The following TMTC2 variants were observed in gnomAD, a reference collection of about 807,000 sequenced individuals.
TMTC2 encodes protein O-mannosyl-transferase TMTC2.
In TMTC2, 43 loss-of-function variants were observed where a neutral mutation model predicts 82.4. The ratio of observed to expected loss-of-function variants is 0.52; its 90% CI spans 0.41 to 0.67. The LOEUF is 0.67. Ranked by LOEUF, TMTC2 falls within the 30% of genes least tolerant of loss-of-function variation. TMTC2 has a pLI of 0.00. For missense variants in TMTC2, 919 were observed against 1,012.4 expected (o/e 0.91, Z 1.25); for synonymous variants, 408 against 381.9 (o/e 1.07, Z -0.80).
At chr12:82,743,004 C>T (rs1875498078) in intron 1 of TMTC2, among the ~76,000 whole-genome samples, 1 of 128,392 alleles carries the variant, frequency 7.8e-6, no homozygotes, top group Non-Finnish European at 1.8e-5. Context: ...ATCTTATTTG[C>T]TGTCTTTGTT....
intron 1 of TMTC2, among the ~76,000 whole-genome samples, chr12:82,757,621 T>C (rs1876409097): frequency 6.6e-6 from 1 of 152,216 alleles, no homozygotes; most frequent in Admixed American, 6.5e-5. Flanking sequence ...TATTTATTAA[T>C]GAATTTTCAA....
At chr12:82,915,670 A>C (rs1592624499) in intron 3 of TMTC2, among the ~76,000 whole-genome samples, 1 of 152,288 alleles carries the variant, frequency 6.6e-6, no homozygotes, top group Admixed American at 6.5e-5. Flanking sequence ...GTTGTTTGGA[A>C]ATCGTAATTC....
At chr12:83,027,594 C>T (rs138892949) in intron 8 of TMTC2, among the ~76,000 whole-genome samples, 2,298 of 152,266 alleles carry the variant, frequency 0.015, 59 homozygotes, top group African/African-American at 0.053. Flanking sequence ...CATTAAGTGA[C>T]GGCTTACTGT....
intron 11 of TMTC2, among the ~76,000 whole-genome samples, chr12:83,091,731 G>A (rs1382555297): frequency 6.6e-6 from 1 of 152,104 alleles, no homozygotes; most frequent in Non-Finnish European, 1.5e-5. Flanking sequence ...TTTTGTTACT[G>A]TATTAAGATC....
chr12:83,108,277 A>T (rs1489161336), intron 11 of TMTC2, among the ~76,000 whole-genome samples: 1 of 152,088 alleles, frequency 6.6e-6, no homozygotes, highest in Non-Finnish European at 1.5e-5. Flanking sequence ...TTATATATTA[A>T]TTTTTTATTT....
chr12:82,729,958 CTTA>C (rs1874689969), intron 1 of TMTC2, among the ~76,000 whole-genome samples: 1 of 152,090 alleles, frequency 6.6e-6, no homozygotes, highest in East Asian at 1.9e-4. Flanking sequence ...AGCTGTAACA[CTTA>C]TCGGGAAGGT....
chr12:83,033,087 T>C (rs2137426811), intron 9 of TMTC2, among the ~76,000 whole-genome samples: 1 of 152,296 alleles, frequency 6.6e-6, no homozygotes, highest in East Asian at 1.9e-4. Flanking sequence ...TAAGTTTCAA[T>C]ATTTTCTCCT....
intron 3 of TMTC2, among the ~76,000 whole-genome samples, chr12:82,910,046 T>G (rs761628735): frequency 2.0e-5 from 3 of 152,196 alleles, no homozygotes; most frequent in Non-Finnish European, 2.9e-5. Context: ...CTGATATTGT[T>G]AAAGAGCAGA....
chr12:82,790,392 G>A (rs546326323), intron 1 of TMTC2, among the ~76,000 whole-genome samples: 1 of 152,008 alleles, frequency 6.6e-6, no homozygotes, highest in Non-Finnish European at 1.5e-5. Context: ...CAAAATGCCA[G>A]TAATTTGTTT....
intron 1 of TMTC2, among the ~76,000 whole-genome samples, chr12:82,819,870 T>C (rs1327245844): frequency 6.6e-6 from 1 of 152,084 alleles, no homozygotes; most frequent in African/African-American, 2.4e-5. Context: ...GATAGATGTG[T>C]ATATAAAGGA....
At chr12:82,963,963 A>G (rs1472003323) in intron 4 of TMTC2, among the ~76,000 whole-genome samples, 2 of 150,638 alleles carry the variant, frequency 1.3e-5, no homozygotes, top group Admixed American at 6.7e-5. Context: ...GCATTCTTTA[A>G]TTTTAAATAT....
At position 83,006,262 on chromosome 12, in the gene TMTC2, T is replaced by A. The variant is rs534618699; in HGVS notation, c.2070+20216T>A. On this transcript the variant is annotated intron_variant, in intron 8 of 11. Coordinates refer to ENST00000321196, the MANE Select transcript of TMTC2 (RefSeq NM_152588.3). ...GTGCCTGCGTTGCCTCTCTGTCAACTCTTAGTGTTTTCTCCCAAAAGATCT... is the reference window on the plus strand; with the variant it reads ...GTGCCTGCGTTGCCTCTCTGTCAACACTTAGTGTTTTCTCCCAAAAGATCT... 1.7e-3 allele frequency among the ~76,000 whole-genome samples: 258 copies of A among 152,188 alleles called. 2 individuals carry two copies. Among genetic ancestry groups the A allele is most frequent in the African/African-American group, 6.1e-3 (254 of 41,470 alleles).
intron 11 of TMTC2, among the ~76,000 whole-genome samples, chr12:83,070,090 TTAGAG>T (rs1451017205): frequency 1.3e-5 from 2 of 152,218 alleles, no homozygotes; most frequent in Non-Finnish European, 2.9e-5. Context: ...GTCTGTGGCC[TTAGAG>T]TATAGTTTGA....
At chr12:82,797,021 G>A (rs761677990) in intron 1 of TMTC2, among the ~76,000 whole-genome samples, 35 of 152,146 alleles carry the variant, frequency 2.3e-4, no homozygotes, top group Non-Finnish European at 4.6e-4. Flanking sequence ...AAGACTAAAT[G>A]TTGGTTCCTG....
chr12:82,883,073 A>C (rs931826535), intron 2 of TMTC2, among the ~76,000 whole-genome samples: 2 of 151,300 alleles, frequency 1.3e-5, no homozygotes, highest in South Asian at 2.1e-4. Context: ...AAAAAAAAAA[A>C]AAAAAAAAAC....
At chr12:82,780,930 C>G (rs1877873622) in intron 1 of TMTC2, among the ~76,000 whole-genome samples, 1 of 151,746 alleles carries the variant, frequency 6.6e-6, no homozygotes, top group Non-Finnish European at 1.5e-5. Flanking sequence ...GTTACAAAGA[C>G]AACTTTTTAT....
chr12:83,020,198 G>A (rs1037508855), intron 8 of TMTC2, among the ~76,000 whole-genome samples: 10 of 152,138 alleles, frequency 6.6e-5, no homozygotes, highest in Non-Finnish European at 2.9e-5. Context: ...AGTTTTTCGT[G>A]CTTCGTTAGG....
chr12:82,818,099 C>T (rs1459994795), intron 1 of TMTC2, among the ~76,000 whole-genome samples: 1 of 152,086 alleles, frequency 6.6e-6, no homozygotes. Context: ...ATCTTTTCTA[C>T]ATGAAAATAA....
intron 1 of TMTC2, among the ~76,000 whole-genome samples, chr12:82,701,616 C>G (rs1207278615): frequency 1.5e-5 from 2 of 133,708 alleles, no homozygotes; most frequent in Admixed American, 7.7e-5. Flanking sequence ...AAAAAAATTT[C>G]TGGGTGTGGA....
Sources: allele counts gnomAD v4.1 joint callset (sites outside exome capture counted in the v4.1 genomes callset), GRCh38; gene constraint gnomAD v4.1.1; transcripts MANE v1.5; gene names NCBI Gene and HGNC (gene_info 2026-07-23, HGNC 2026-07-21).